WWC2: variants seen among roughly 807,000 people sequenced by gnomAD.
WWC2 encodes protein WWC2.
Under a neutral mutation model 138.5 loss-of-function variants are expected in WWC2, and 101 were observed. The ratio of observed to expected loss-of-function variants is 0.73; its 90% CI spans 0.62 to 0.86. The LOEUF is 0.86. WWC2 is among the 40% of genes least tolerant of loss of function. WWC2 has a pLI of 0.00. For synonymous variants in WWC2, 558 were observed against 538.4 expected (o/e 1.04, Z -0.50); for missense variants, 1,420 against 1,419.4 (o/e 1.00, Z -0.01).
intron 1 of WWC2, among the ~76,000 whole-genome samples, chr4:183,152,178 C>G (rs897722556): frequency 6.6e-6 from 1 of 151,944 alleles, no homozygotes; most frequent in African/African-American, 2.4e-5. Context: ...TAAGTTCTTC[C>G]TTTGGGTCTG....
At chr4:183,173,192 G>A (rs1734343326) in intron 1 of WWC2, among the ~76,000 whole-genome samples, 1 of 151,988 alleles carries the variant, frequency 6.6e-6, no homozygotes, top group Admixed American at 6.6e-5. Flanking sequence ...CCACAAGCAT[G>A]TGCTGCCATG....
At chr4:183,125,571 C>G (rs1051991131) in intron 1 of WWC2, among the ~76,000 whole-genome samples, 9 of 152,192 alleles carry the variant, frequency 5.9e-5, no homozygotes, top group African/African-American at 2.2e-4. Context: ...TTGTGTAATA[C>G]TGGGTCTAAA....
chr4:183,132,194 T>C (rs1001945818), intron 1 of WWC2, among the ~76,000 whole-genome samples: 3 of 152,232 alleles, frequency 2.0e-5, no homozygotes, highest in Non-Finnish European at 2.9e-5. Flanking sequence ...ACTCTTGTTG[T>C]TCCTTGCTTA....
chr4:183,262,902 A>G (rs1737376677), intron 11 of WWC2, among the ~76,000 whole-genome samples: 1 of 152,118 alleles, frequency 6.6e-6, no homozygotes, highest in African/African-American at 2.4e-5. Context: ...ATCTCTCAGG[A>G]TTATGATTCC....
At chr4:183,103,095 T>C (rs1227762999) in intron 1 of WWC2, among the ~76,000 whole-genome samples, 1 of 152,060 alleles carries the variant, frequency 6.6e-6, no homozygotes, top group African/African-American at 2.4e-5. Context: ...TTTCACACCA[T>C]GCAAAGTGAC....
chr4:183,167,042 G>C (rs1349477028), intron 1 of WWC2, among the ~76,000 whole-genome samples: 1 of 152,126 alleles, frequency 6.6e-6, no homozygotes, highest in Non-Finnish European at 1.5e-5. Flanking sequence ...ATATGGATTT[G>C]TCATTTGCAC....
chr4:183,239,049 T>C (rs1245502011), intron 4 of WWC2, among the ~76,000 whole-genome samples: 1 of 152,210 alleles, frequency 6.6e-6, no homozygotes, highest in Non-Finnish European at 1.5e-5. Flanking sequence ...GCATGGTGGC[T>C]CACGCCTGTA....
At chr4:183,166,284 C>T (rs1230037547) in intron 1 of WWC2, among the ~76,000 whole-genome samples, 4 of 151,998 alleles carry the variant, frequency 2.6e-5, no homozygotes, top group Admixed American at 6.5e-5. Flanking sequence ...TGCTGTAGCC[C>T]GTGGCATTCA....
intron 1 of WWC2, among the ~76,000 whole-genome samples, chr4:183,192,870 T>A (rs1735027610): frequency 6.6e-6 from 1 of 152,166 alleles, no homozygotes; most frequent in Non-Finnish European, 1.5e-5. Context: ...AAAAATCTAT[T>A]GTAATTAAGT....
chr4:183,152,684 A>G (rs62336602), intron 1 of WWC2, among the ~76,000 whole-genome samples: 11,405 of 152,024 alleles, frequency 0.075, 579 homozygotes, highest in Non-Finnish European at 0.11. Flanking sequence ...GAAGTTCAAG[A>G]CCAGCCTGGC....
chr4:183,170,707 T>A (rs1055637898), intron 1 of WWC2, among the ~76,000 whole-genome samples: 3 of 152,168 alleles, frequency 2.0e-5, no homozygotes, highest in Admixed American at 6.5e-5. Context: ...TTATTTATAT[T>A]TTTTTAAAGT....
chr4:183,233,392 G>C (rs975918759), intron 4 of WWC2, among the ~76,000 whole-genome samples: 3 of 151,442 alleles, frequency 2.0e-5, no homozygotes, highest in South Asian at 2.1e-4. Context: ...CCTGAACTCA[G>C]GTGATCCACC....
chr4:183,192,955 G>A (rs1395238926), intron 1 of WWC2, among the ~76,000 whole-genome samples: 2 of 152,184 alleles, frequency 1.3e-5, no homozygotes, highest in Non-Finnish European at 2.9e-5. Context: ...TACAGAGAAA[G>A]CGTCTTAAAG....
At chr4:183,127,197 AAATTATTCCTT>A (rs1270858525) in intron 1 of WWC2, among the ~76,000 whole-genome samples, 2 of 152,194 alleles carry the variant, frequency 1.3e-5, no homozygotes, top group African/African-American at 2.4e-5. Context: ...TAAACGTATA[AAATTATTCCTT>A]AAGGAAAGCA....
intron 1 of WWC2, among the ~76,000 whole-genome samples, chr4:183,100,274 C>T (rs528159983): frequency 6.6e-6 from 1 of 152,222 alleles, no homozygotes; most frequent in Non-Finnish European, 1.5e-5. Flanking sequence ...CGGGAACAGG[C>T]ATATTGTGTT....
chr4:183,185,397 A>T (rs1335213459), intron 1 of WWC2, among the ~76,000 whole-genome samples: 1 of 152,242 alleles, frequency 6.6e-6, no homozygotes, highest in Non-Finnish European at 1.5e-5. Flanking sequence ...CTATTTAAGA[A>T]AGCATAAAGC....
At chr4:183,165,563 G>T (rs879452695) in intron 1 of WWC2, among the ~76,000 whole-genome samples, 4 of 152,128 alleles carry the variant, frequency 2.6e-5, no homozygotes, top group Non-Finnish European at 5.9e-5. Flanking sequence ...GGAAGGGGGT[G>T]TGGGGGAAGG....
intron 6 of WWC2, 105 bp downstream of exon 6, chr4:183,245,650 C>T: frequency 7.7e-7 from 1 of 1,292,476 alleles, no homozygotes; most frequent in African/African-American, 1.5e-5. Context: ...GACCCTTCTA[C>T]CTCTGCCACA....
chr4:183,261,620 GTATGATTCCCCT>G (rs1293974346), intron 11 of WWC2, 88 bp downstream of exon 11: 28 of 1,393,636 alleles, frequency 2.0e-5, no homozygotes, highest in Non-Finnish European at 2.7e-5. Context: ...TAAACAAAGG[GTATGATTCCCCT>G]TCTCTTTCTT....
Sources: allele counts gnomAD v4.1 joint callset (sites outside exome capture counted in the v4.1 genomes callset), GRCh38; gene constraint gnomAD v4.1.1; transcripts MANE v1.5; gene names NCBI Gene and HGNC (gene_info 2026-07-23, HGNC 2026-07-21).